RBFOX1: variants seen among roughly 807,000 people sequenced by gnomAD.
RBFOX1 encodes the protein RNA binding protein fox-1 homolog 1.
Under a neutral mutation model 57.7 loss-of-function variants are expected in RBFOX1, and 8 were observed. The observed-to-expected ratio is 0.14, with a 90% CI of 0.08 to 0.25. The LOEUF (loss-of-function observed/expected upper bound fraction) is 0.25, where lower values mean the gene tolerates loss of function less well. RBFOX1 is among the 10% of genes least tolerant of loss of function. RBFOX1 has a pLI of 1.00. For missense variants in RBFOX1, 611 were observed against 548.5 expected (o/e 1.11, Z -1.14); for synonymous variants, 326 against 222.4 (o/e 1.47, Z -4.15).
Position 7,472,565 on chromosome 16 carries a change from A to G in RBFOX1, c.28-45582A>G, listed in dbSNP as rs181325332. On this transcript the variant is annotated intron_variant, in intron 4 of 15. Transcript: ENST00000550418. The stretch of plus-strand genomic sequence containing the variant: ...GCAGTACACAGTGCAAATATACAAC[A>G]TAGCGTTTACTGTGAAACGACTCCT... Among the ~76,000 whole-genome samples, 5 of 152,344 alleles carry G rather than the reference A, an allele frequency of 3.3e-5. No homozygotes were observed. In the East Asian group the frequency reaches 5.8e-4, roughly 18 times the overall value.
intron 4 of RBFOX1, among the ~76,000 whole-genome samples, chr16:5,972,811 A>T (rs1326020937): frequency 6.6e-6 from 1 of 152,136 alleles, no homozygotes; most frequent in Non-Finnish European, 1.5e-5. Context: ...GGCACCATGC[A>T]CCCTTGGCTG....
chr16:6,777,017 C>G (rs1383743251), intron 3 of RBFOX1, among the ~76,000 whole-genome samples: 1 of 152,110 alleles, frequency 6.6e-6, no homozygotes, highest in African/African-American at 2.4e-5. Flanking sequence ...AAACTAATAG[C>G]CTTCTGTAAT....
chr16:6,634,092 C>A (rs1179512802), intron 2 of RBFOX1, among the ~76,000 whole-genome samples: 2 of 152,016 alleles, frequency 1.3e-5, no homozygotes, highest in African/African-American at 4.8e-5. Flanking sequence ...CACACACATA[C>A]ACATACACAT....
intron 1 of RBFOX1, among the ~76,000 whole-genome samples, chr16:6,193,940 A>C (rs2152816109): frequency 6.6e-6 from 1 of 151,864 alleles, no homozygotes; most frequent in African/African-American, 2.4e-5. Context: ...CAAGGTTCTG[A>C]CCTCCGCCTC....
chr16:7,219,027 G>C (rs546815571), intron 4 of RBFOX1, among the ~76,000 whole-genome samples: 1 of 152,246 alleles, frequency 6.6e-6, no homozygotes, highest in East Asian at 1.9e-4. Flanking sequence ...AGGTGAGAAG[G>C]GCTCGGAGCC....
chr16:7,109,920 A>G (rs1370201253), intron 4 of RBFOX1, among the ~76,000 whole-genome samples: 1 of 152,036 alleles, frequency 6.6e-6, no homozygotes, highest in Non-Finnish European at 1.5e-5. Context: ...CTATCAGGTA[A>G]TCTCACAGAC....
chr16:5,346,962 G>C (rs1202030628), intron 1 of RBFOX1, among the ~76,000 whole-genome samples: 1 of 152,124 alleles, frequency 6.6e-6, no homozygotes, highest in Non-Finnish European at 1.5e-5. Context: ...ACTGATATCT[G>C]GCTTTTGCAT....
At chr16:7,017,519 G>T in intron 3 of RBFOX1, among the ~76,000 whole-genome samples, 1 of 152,132 alleles carries the variant, frequency 6.6e-6, no homozygotes, top group Non-Finnish European at 1.5e-5. Context: ...AGGAGTCTGC[G>T]TTTGGAAGAA....
At chr16:6,118,302 G>A (rs991093157) in intron 1 of RBFOX1, among the ~76,000 whole-genome samples, 1 of 152,016 alleles carries the variant, frequency 6.6e-6, no homozygotes, top group Non-Finnish European at 1.5e-5. Flanking sequence ...AGTCCACTCA[G>A]GCTCCTATTA....
At chr16:5,535,330 G>C (rs1226901363) in intron 2 of RBFOX1, among the ~76,000 whole-genome samples, 1 of 152,104 alleles carries the variant, frequency 6.6e-6, no homozygotes, top group Admixed American at 6.5e-5. Flanking sequence ...GTGGGAGTAT[G>C]GTCCATCCTG....
At chr16:7,147,711 A>G (rs185102947) in intron 4 of RBFOX1, among the ~76,000 whole-genome samples, 47 of 151,952 alleles carry the variant, frequency 3.1e-4, no homozygotes, top group Admixed American at 5.2e-4. Context: ...TCTTTATCCT[A>G]TCTGCCATTG....
intron 2 of RBFOX1, among the ~76,000 whole-genome samples, chr16:6,503,042 T>A (rs1304143291): frequency 6.6e-6 from 1 of 152,178 alleles, no homozygotes; most frequent in African/African-American, 2.4e-5. Context: ...AGTAGTATAA[T>A]ATGTATTTAT....
At chr16:6,287,159 A>G (rs758542714) in intron 1 of RBFOX1, among the ~76,000 whole-genome samples, 7 of 152,180 alleles carry the variant, frequency 4.6e-5, no homozygotes, top group Non-Finnish European at 8.8e-5. Context: ...GACAGGCACA[A>G]AAAACTCCAT....
intron 4 of RBFOX1, among the ~76,000 whole-genome samples, chr16:7,155,103 C>T (rs908170468): frequency 6.6e-6 from 1 of 152,108 alleles, no homozygotes; most frequent in African/African-American, 2.4e-5. Flanking sequence ...CTCTCCAAAG[C>T]CTCTTGTTTC....
Position 7,213,722 on chromosome 16 carries a change from A to G in RBFOX1, c.27+161624A>G, listed in dbSNP as rs554802718. 2.6e-5 allele frequency among the ~76,000 whole-genome samples: 4 copies of G among 152,312 alleles called. No individual in the cohort carries two copies. In the South Asian group the frequency reaches 6.2e-4, roughly 24 times the overall value. ...ATACTCAAGGGACCGAGGTTCCAGA[A>G]GGCTAGGGAATATGCTTGATATGTC... On this transcript the variant is annotated intron_variant, in intron 4 of 15. Coordinates refer to ENST00000550418, the MANE Select transcript of RBFOX1 (RefSeq NM_018723.4).
At chr16:6,560,697 T>G (rs1489446024) in intron 2 of RBFOX1, among the ~76,000 whole-genome samples, 1 of 152,176 alleles carries the variant, frequency 6.6e-6, no homozygotes, top group Non-Finnish European at 1.5e-5. Flanking sequence ...ACTTCTGCAT[T>G]GAAAATTGAT....
chr16:5,786,942 C>T (rs990711425), intron 3 of RBFOX1, among the ~76,000 whole-genome samples: 2 of 152,132 alleles, frequency 1.3e-5, no homozygotes, highest in Non-Finnish European at 2.9e-5. Flanking sequence ...TCGAGACCAG[C>T]CTGGCCAACA....
intron 4 of RBFOX1, among the ~76,000 whole-genome samples, chr16:7,143,289 C>T (rs945389661): frequency 6.6e-6 from 1 of 151,976 alleles, no homozygotes; most frequent in African/African-American, 2.4e-5. Flanking sequence ...ATGCGTCCAA[C>T]TGTTTTCCAG....
intron 2 of RBFOX1, among the ~76,000 whole-genome samples, chr16:5,468,231 C>T (rs2151613237): frequency 6.6e-6 from 1 of 152,280 alleles, no homozygotes; most frequent in South Asian, 2.1e-4. Context: ...TTCAAATGAA[C>T]AATTGAGAAG....
Sources: gnomAD v4.1 joint callset for allele counts (sites outside exome capture counted in the v4.1 genomes callset) on GRCh38, gnomAD v4.1.1 for gene constraint, MANE v1.5 for transcripts, NCBI Gene and HGNC (gene_info 2026-07-23, HGNC 2026-07-21) for gene names.